Variants in VAV1 observed in about 807,000 individuals in gnomAD.
The protein encoded by VAV1 is vav guanine nucleotide exchange factor 1.
In VAV1, 33 loss-of-function variants were observed where a neutral mutation model predicts 128.1. The observed-to-expected ratio is 0.26, with a 90% CI of 0.20 to 0.34. The LOEUF (loss-of-function observed/expected upper bound fraction) is 0.34. Among genes scored for constraint, VAV1 ranks in the 10% least tolerant of loss-of-function variants. The probability of loss-of-function intolerance (pLI) is 1.00; values close to 1 mark genes in which losing one functional copy is unlikely to be tolerated. For missense variants in VAV1, 715 were observed against 1,093.7 expected (o/e 0.65, Z 4.88); for synonymous variants, 394 against 409.8 (o/e 0.96, Z 0.47).
chr19:6,789,167 G>T (rs1011555841), intron 1 of VAV1, among the ~76,000 whole-genome samples: 2 of 152,208 alleles, frequency 1.3e-5, no homozygotes, highest in Non-Finnish European at 2.9e-5. Flanking sequence ...AAAGAGATCT[G>T]ATGATTACTG....
At chr19:6,795,761 G>A (rs1302870958) in intron 1 of VAV1, among the ~76,000 whole-genome samples, 1 of 152,144 alleles carries the variant, frequency 6.6e-6, no homozygotes, top group Non-Finnish European at 1.5e-5. Context: ...TCAGCTCACT[G>A]CAACCTCCGC....
chr19:6,794,516 A>G (rs770520420), intron 1 of VAV1, among the ~76,000 whole-genome samples: 2 of 152,190 alleles, frequency 1.3e-5, no homozygotes, highest in South Asian at 4.1e-4. Flanking sequence ...AAACAAAACA[A>G]AAAAACAAAG....
At chr19:6,797,891 T>A (rs1256490358) in intron 1 of VAV1, among the ~76,000 whole-genome samples, 1 of 151,512 alleles carries the variant, frequency 6.6e-6, no homozygotes, top group East Asian at 1.9e-4. Flanking sequence ...CCTATGCACC[T>A]AGTTTTAGGG....
At chr19:6,844,344 G>C (rs377143389) in intron 22 of VAV1, among the ~76,000 whole-genome samples, 1 of 151,424 alleles carries the variant, frequency 6.6e-6, no homozygotes, top group Non-Finnish European at 1.5e-5. Flanking sequence ...TCAGCCTCCC[G>C]AGCTGGGATT....
Position 6,828,311 on chromosome 19 carries a change from G to T in VAV1, c.1024-108G>T, listed in dbSNP as rs1360382590. 6.5e-7 allele frequency: 1 copy of T among 1,530,462 alleles called. No homozygotes were observed. The highest frequency in any genetic ancestry group is 9.0e-7 in the Non-Finnish European group (1 of 1,113,204). The allele number at this position is 1,530,462 out of a possible 1,614,324, so 94.8% of individuals were successfully genotyped here. On this transcript the variant is annotated intron_variant, in intron 10 of 26. Transcript: ENST00000602142. The surrounding 1 kb of genome is among the most constrained non-coding windows in gnomAD (Gnocchi z 4.5). ...ACTGGGGTCATGTCTCAGCCTCCAG[G>T]GTCAGCAGTACGATGGAGGAGCTGG...
intron 1 of VAV1, among the ~76,000 whole-genome samples, chr19:6,796,665 C>A (rs996995725): frequency 1.3e-5 from 2 of 152,188 alleles, no homozygotes; most frequent in African/African-American, 4.8e-5. Context: ...TCCTTCAAAC[C>A]TTTACTGAAA....
At chr19:6,792,646 A>G (rs544945983) in intron 1 of VAV1, among the ~76,000 whole-genome samples, 4 of 151,840 alleles carry the variant, frequency 2.6e-5, no homozygotes, top group Non-Finnish European at 5.9e-5. Context: ...TCCTGGGCTC[A>G]GGTGATCCTC....
At chr19:6,788,921 G>C (rs1970953057) in intron 1 of VAV1, among the ~76,000 whole-genome samples, 1 of 152,216 alleles carries the variant, frequency 6.6e-6, no homozygotes. Context: ...ATTTAAGCCA[G>C]AATTTCTGAT....
intron 1 of VAV1, among the ~76,000 whole-genome samples, chr19:6,786,916 A>T (rs1970905437): frequency 6.6e-6 from 1 of 152,124 alleles, no homozygotes; most frequent in Non-Finnish European, 1.5e-5. Context: ...TTCTCTAGTA[A>T]CAATCTATAT....
chr19:6,842,705 C>G (rs571577807), intron 21 of VAV1, among the ~76,000 whole-genome samples: 1 of 151,958 alleles, frequency 6.6e-6, no homozygotes, highest in South Asian at 2.1e-4. Flanking sequence ...TGTGGTGGTG[C>G]GTACCTGTAG....
chr19:6,843,260 G>C, intron 22 of VAV1, 94 bp downstream of exon 22: 1 of 1,411,764 alleles, frequency 7.1e-7, no homozygotes, highest in Non-Finnish European at 1.0e-6. Context: ...AATTAGTTAT[G>C]CATTCTGTGA....
Position 6,820,942 on chromosome 19 carries a change from C to A in VAV1, c.321+124C>A. On this transcript the variant is annotated intron_variant, in intron 2 of 26. Transcript: ENST00000602142. This position sits in a 1 kb window ranked among gnomAD's most constrained non-coding sequence, Gnocchi z 4.4. ...GCCAGACCAGGCCATATACAAGACG[C>A]AAATAGCACTGGCTTGGGATATGTG... is the stretch of plus-strand genomic sequence containing the variant. 1 of 823,260 alleles carries A rather than the reference C, an allele frequency of 1.2e-6. No individual in the cohort carries two copies. Among genetic ancestry groups the A allele is most frequent in the Non-Finnish European group, 2.0e-6 (1 of 494,342 alleles). 51.0% of individuals were successfully genotyped at this position (823,260 alleles called of 1,614,324 possible).
At chr19:6,804,487 G>C (rs1355981906) in intron 1 of VAV1, among the ~76,000 whole-genome samples, 1 of 151,832 alleles carries the variant, frequency 6.6e-6, no homozygotes, top group Non-Finnish European at 1.5e-5. Context: ...TGCAATCTCA[G>C]CTCATTGCAA....
intron 1 of VAV1, among the ~76,000 whole-genome samples, chr19:6,798,586 G>A (rs1015063325): frequency 1.7e-4 from 26 of 152,086 alleles, no homozygotes; most frequent in Admixed American, 3.3e-4. Flanking sequence ...CCAGGAAGTC[G>A]AGGCTGCAGT....
At chr19:6,806,678 A>G (rs8108646) in intron 1 of VAV1, among the ~76,000 whole-genome samples, 4,128 of 152,226 alleles carry the variant, frequency 0.027, 195 homozygotes, top group African/African-American at 0.094. Flanking sequence ...GCACTCTCTC[A>G]TTGGTCTGAA....
intron 1 of VAV1, among the ~76,000 whole-genome samples, chr19:6,813,280 C>T (rs1971551007): frequency 6.6e-6 from 1 of 152,214 alleles, no homozygotes; most frequent in African/African-American, 2.4e-5. Context: ...CCACCTGGGG[C>T]TCCCCACAGG....
chr19:6,824,942 A>G (rs1435994763), intron 6 of VAV1, 111 bp from the exon 7 acceptor site: 12 of 1,134,382 alleles, frequency 1.1e-5, no homozygotes, highest in Admixed American at 5.3e-5. Flanking sequence ...TTTTGTGTGG[A>G]CGCGCTGCCT....
At chr19:6,808,925 G>A (rs1474405904) in intron 1 of VAV1, among the ~76,000 whole-genome samples, 3 of 151,938 alleles carry the variant, frequency 2.0e-5, no homozygotes, top group South Asian at 2.1e-4. Context: ...TGCTCCACAC[G>A]GTCTCTCATC....
chr19:6,782,858 G>A (rs927476531), intron 1 of VAV1, among the ~76,000 whole-genome samples: 10 of 151,608 alleles, frequency 6.6e-5, no homozygotes, highest in African/African-American at 2.4e-4. Flanking sequence ...AGTCCAGCCC[G>A]GGTGACAGAG....
Sources: gnomAD v4.1 joint callset for allele counts (sites outside exome capture counted in the v4.1 genomes callset) on GRCh38, gnomAD v4.1.1 for gene constraint, Gnocchi (gnomAD v3.1) non-coding constraint, MANE v1.5 for transcripts, NCBI Gene and HGNC (gene_info 2026-07-23, HGNC 2026-07-21) for gene names.